RBFOX1: variants seen among roughly 807,000 people sequenced by gnomAD.
The protein encoded by RBFOX1 is RNA binding protein fox-1 homolog 1.
Under a neutral mutation model 57.7 loss-of-function variants are expected in RBFOX1, and 8 were observed. The ratio of observed to expected loss-of-function variants is 0.14; its 90% CI spans 0.08 to 0.25. The LOEUF (loss-of-function observed/expected upper bound fraction) is 0.25. Ranked by LOEUF, RBFOX1 falls within the 10% of genes least tolerant of loss-of-function variation. The pLI is 1.00. For missense variants in RBFOX1, 611 were observed against 548.5 expected, an observed-to-expected ratio of 1.11 and a Z score of -1.14; for synonymous variants, 326 against 222.4, an observed-to-expected ratio of 1.47 and a Z score of -4.15.
intron 4 of RBFOX1, among the ~76,000 whole-genome samples, chr16:7,458,644 T>C (rs1050586429): frequency 2.0e-5 from 3 of 152,188 alleles, no homozygotes; most frequent in African/African-American, 4.8e-5. Context: ...CTTAAGGTCT[T>C]TTTGACCACT....
intron 2 of RBFOX1, among the ~76,000 whole-genome samples, chr16:6,372,621 A>T (rs1054182386): frequency 6.7e-6 from 1 of 149,072 alleles, no homozygotes; most frequent in Non-Finnish European, 1.5e-5. Context: ...ATCACTGGGC[A>T]GGAGTTTTGT....
chr16:6,175,967 T>C (rs1190053282), intron 1 of RBFOX1, among the ~76,000 whole-genome samples: 1 of 152,142 alleles, frequency 6.6e-6, no homozygotes, highest in Non-Finnish European at 1.5e-5. Context: ...ATATGTTAAC[T>C]TCAAAGGTTT....
rs192552743 is a variant in RBFOX1, at chr16:6,945,385, C to T, written c.-15-106672C>T. Among the ~76,000 whole-genome samples, 680 of 152,064 alleles carry T rather than the reference C, an allele frequency of 4.5e-3. 9 individuals carry two copies. The highest frequency in any genetic ancestry group is 0.016 in the African/African-American group (645 of 41,534). On this transcript the variant is annotated intron_variant, in intron 3 of 15. Coordinates refer to ENST00000550418, the MANE Select transcript of RBFOX1 (RefSeq NM_018723.4). ...CATGGCCCATTGCTGGTCTGAACAA[C>T]CTGTGCCATTTCTAGATGGCCATGC...
intron 1 of RBFOX1, among the ~76,000 whole-genome samples, chr16:6,254,959 T>A (rs1288872077): frequency 6.6e-6 from 1 of 152,176 alleles, no homozygotes; most frequent in East Asian, 1.9e-4. Flanking sequence ...TCCCAGATTA[T>A]TAAAATATAT....
intron 3 of RBFOX1, among the ~76,000 whole-genome samples, chr16:5,761,439 A>G (rs757928115): frequency 2.0e-5 from 3 of 152,194 alleles, no homozygotes; most frequent in Non-Finnish European, 4.4e-5. Flanking sequence ...GACATACCCA[A>G]TACTGGATAC....
At chr16:5,354,279 T>C (rs578178649) in intron 1 of RBFOX1, among the ~76,000 whole-genome samples, 1 of 152,332 alleles carries the variant, frequency 6.6e-6, no homozygotes, top group South Asian at 2.1e-4. Context: ...AAGAGAACTG[T>C]ATTGGTTGGA....
At chr16:6,983,852 T>C (rs58677461) in intron 3 of RBFOX1, 8,120 of 152,510 alleles carry the variant, frequency 0.053, 252 homozygotes, top group African/African-American at 0.075. Flanking sequence ...GGCCCATGCA[T>C]GCAGCCAAGT....
Position 7,653,875 on chromosome 16 carries a change from G to T in RBFOX1, c.818G>T (p.Arg273Leu). ...GCCGCCTACCGAGGGGCGCACCTGC[G>T]AGGCCGCGGTCGCACCGTGTACAAC... is the stretch of plus-strand genomic sequence containing the variant. ...AAAAYRGAHL[R>L]GRGRTVYNTF... is the part of the protein sequence containing the mutation. Residue 273 changes from arginine to leucine, a missense_variant, in exon 12 of 16, where the codon CGA (arginine) becomes CTA (leucine). Coordinates refer to ENST00000550418, the MANE Select transcript of RBFOX1 (RefSeq NM_018723.4). 6.2e-7 allele frequency: 1 copy of T among 1,603,296 alleles called. No homozygotes were observed.
chr16:6,960,528 C>G (rs752711422), intron 3 of RBFOX1, among the ~76,000 whole-genome samples: 3 of 152,086 alleles, frequency 2.0e-5, no homozygotes, highest in Non-Finnish European at 4.4e-5. Context: ...CTGGGAACAA[C>G]TCTTCAGGAG....
At chr16:5,762,589 C>A (rs552416280) in intron 3 of RBFOX1, among the ~76,000 whole-genome samples, 1 of 152,116 alleles carries the variant, frequency 6.6e-6, no homozygotes, top group Non-Finnish European at 1.5e-5. Context: ...AGGATGTGTT[C>A]GCAAACTTAG....
chr16:5,836,060 G>A lies in RBFOX1; in HGVS notation c.319-31243G>A, dbSNP rs181928792. Among the ~76,000 whole-genome samples, 12 of 152,292 alleles carry A rather than the reference G, an allele frequency of 7.9e-5. No individual in the cohort carries two copies. In the East Asian group the frequency reaches 1.7e-3, roughly 22 times the overall value. ...TCCCTGCCAGAAGTTAGAGTGTGAG[G>A]CAATTTAGCAAATTGTAGCTTGCAG... is the stretch of plus-strand genomic sequence containing the variant. On this transcript the variant is annotated intron_variant, in intron 3 of 19. Transcript: ENST00000641259.
chr16:6,844,966 G>C (rs1175217555), intron 3 of RBFOX1, among the ~76,000 whole-genome samples: 2 of 152,048 alleles, frequency 1.3e-5, no homozygotes, highest in African/African-American at 2.4e-5. Flanking sequence ...ATGTTTGTTG[G>C]CCGCATGTAT....
intron 5 of RBFOX1, among the ~76,000 whole-genome samples, chr16:7,574,212 C>T (rs1027694497): frequency 3.9e-5 from 6 of 152,158 alleles, no homozygotes; most frequent in Non-Finnish European, 8.8e-5. Context: ...CATCCAGGGC[C>T]ATGATCGAAG....
chr16:7,256,693 G>A (rs573356072), intron 4 of RBFOX1, among the ~76,000 whole-genome samples: 2 of 152,032 alleles, frequency 1.3e-5, no homozygotes, highest in African/African-American at 2.4e-5. Context: ...GTAAATAATC[G>A]CTCCCTGTCT....
intron 3 of RBFOX1, among the ~76,000 whole-genome samples, chr16:6,752,702 C>T (rs1007359155): frequency 1.3e-5 from 2 of 152,196 alleles, no homozygotes; most frequent in African/African-American, 4.8e-5. Flanking sequence ...CGGTTTCATG[C>T]AACAGGTGCA....
intron 3 of RBFOX1, among the ~76,000 whole-genome samples, chr16:7,038,585 T>G (rs948602775): frequency 6.6e-6 from 1 of 152,194 alleles, no homozygotes; most frequent in Non-Finnish European, 1.5e-5. Flanking sequence ...GGTGCTTACA[T>G]GTGTCAGACC....
intron 2 of RBFOX1, among the ~76,000 whole-genome samples, chr16:6,613,104 C>T (rs2098090321): frequency 6.6e-6 from 1 of 151,420 alleles, no homozygotes; most frequent in Admixed American, 6.6e-5. Flanking sequence ...ACTGTCAGGC[C>T]TGATTAATAC....
intron 1 of RBFOX1, among the ~76,000 whole-genome samples, chr16:6,176,812 A>G (rs539625497): frequency 1.3e-5 from 2 of 152,220 alleles, no homozygotes; most frequent in East Asian, 3.9e-4. Context: ...TTTTGGGTAC[A>G]TGTGTCCTTA....
intron 4 of RBFOX1, among the ~76,000 whole-genome samples, chr16:7,239,910 G>A (rs28672155): frequency 0.32 from 49,154 of 151,788 alleles, 8,545 homozygotes; most frequent in Middle Eastern, 0.51. Flanking sequence ...CTCATTGGTA[G>A]TTAGTATTTC....
Sources: allele counts gnomAD v4.1 joint callset (sites outside exome capture counted in the v4.1 genomes callset), GRCh38; gene constraint gnomAD v4.1.1; transcripts MANE v1.5; gene names NCBI Gene and HGNC (gene_info 2026-07-23, HGNC 2026-07-21).